Variants in GMDS observed in about 807,000 individuals in gnomAD.
GMDS encodes GDP-mannose 4,6 dehydratase.
A neutral mutation model predicts 49.9 loss-of-function variants in GMDS; 20 were observed. That is an observed-to-expected ratio of 0.40 (90% confidence interval 0.28 to 0.58). GMDS has a LOEUF of 0.58. GMDS is among the 20% of genes least tolerant of loss of function. The pLI, the probability that GMDS is intolerant of heterozygous loss-of-function variation, is 0.42. For synonymous variants in GMDS, 177 were observed against 178.6 expected, an observed-to-expected ratio of 0.99 and a Z score of 0.07; for missense variants, 362 against 481.4, an observed-to-expected ratio of 0.75 and a Z score of 2.32.
At chr6:2,166,258 T>TA (rs1205422652) in intron 1 of GMDS, among the ~76,000 whole-genome samples, 3 of 152,214 alleles carry the variant, frequency 2.0e-5, no homozygotes, top group Non-Finnish European at 4.4e-5. Context: ...CAGTTTATCT[T>TA]ACTGAAACTC....
intron 7 of GMDS, among the ~76,000 whole-genome samples, chr6:1,924,289 G>A (rs1472160742): frequency 6.6e-6 from 1 of 152,202 alleles, no homozygotes; most frequent in Non-Finnish European, 1.5e-5. Context: ...GGTATATGAC[G>A]TTAAATTCTG....
intron 1 of GMDS, 89 bp downstream of exon 1, chr6:2,245,232 G>T: frequency 1.1e-6 from 1 of 921,910 alleles, no homozygotes; most frequent in Non-Finnish European, 1.7e-6. Context: ...GCTGTTCCTG[G>T]AGAGACCGCA....
intron 4 of GMDS, among the ~76,000 whole-genome samples, chr6:2,080,164 C>T (rs1772595744): frequency 6.6e-6 from 1 of 151,980 alleles, no homozygotes; most frequent in East Asian, 1.9e-4. Context: ...CTGTATGGTT[C>T]TTTTTTATGA....
intron 7 of GMDS, among the ~76,000 whole-genome samples, chr6:1,832,478 AT>A (rs967396497): frequency 2.0e-5 from 3 of 151,682 alleles, no homozygotes; most frequent in Admixed American, 6.6e-5. Context: ...GATGGCTTTT[AT>A]TTTTTTTATG....
chr6:2,105,322 G>A lies in GMDS; in HGVS notation c.345+10449C>T, dbSNP rs574892690. Among the ~76,000 whole-genome samples the A allele has an allele frequency of 2.6e-5, 4 of 151,866 alleles. No homozygotes were observed. The South Asian group carries it at 8.3e-4, about 32-fold the overall frequency. The stretch of plus-strand genomic sequence containing the variant: ...AAACAACCAATAACTCAAATATTGT[G>A]ACATAATAATCGACTAACTTCTGTC... On this transcript the variant is annotated intron_variant, in intron 4 of 10. Transcript: ENST00000380815.
At chr6:1,834,173 A>T (rs1029942535) in intron 7 of GMDS, among the ~76,000 whole-genome samples, 2 of 152,226 alleles carry the variant, frequency 1.3e-5, no homozygotes, top group Admixed American at 1.3e-4. Flanking sequence ...AATTTCATCA[A>T]TTATCAAGAA....
chr6:1,652,580 T>G, intron 9 of GMDS, among the ~76,000 whole-genome samples: 1 of 9,682 alleles, frequency 1.0e-4, no homozygotes, highest in Admixed American at 2.2e-3. Flanking sequence ...TAATATATAT[T>G]ATTTATATAT....
At chr6:2,007,040 A>G (rs536271387) in intron 4 of GMDS, among the ~76,000 whole-genome samples, 3 of 152,398 alleles carry the variant, frequency 2.0e-5, no homozygotes, top group Admixed American at 1.3e-4. Flanking sequence ...TTTCATATAC[A>G]GTACTCTTAT....
chr6:1,658,914 G>A (rs755393510), intron 9 of GMDS, among the ~76,000 whole-genome samples: 2 of 152,240 alleles, frequency 1.3e-5, no homozygotes, highest in Non-Finnish European at 2.9e-5. Context: ...GCTCTCACAA[G>A]GCTGTGAGGG....
chr6:1,931,272 T>C (rs1762272385), intron 6 of GMDS, among the ~76,000 whole-genome samples: 1 of 152,248 alleles, frequency 6.6e-6, no homozygotes, highest in Non-Finnish European at 1.5e-5. Flanking sequence ...ATCAAAGTGT[T>C]TGGCTTCTGG....
intron 7 of GMDS, among the ~76,000 whole-genome samples, chr6:1,895,139 G>A (rs910000669): frequency 5.3e-5 from 8 of 152,130 alleles, no homozygotes; most frequent in Admixed American, 2.6e-4. Flanking sequence ...AACTTTATCC[G>A]ATGGGCAACG....
chr6:1,963,442 T>C (rs1215976401), intron 4 of GMDS, among the ~76,000 whole-genome samples: 2 of 152,242 alleles, frequency 1.3e-5, no homozygotes, highest in Non-Finnish European at 2.9e-5. Context: ...TTCAATGTTA[T>C]ATCTAAGAAT....
At chr6:2,151,308 C>T (rs531172862) in intron 1 of GMDS, among the ~76,000 whole-genome samples, 43 of 152,060 alleles carry the variant, frequency 2.8e-4, no homozygotes, top group African/African-American at 1.0e-3. Context: ...TATGTACCCA[C>T]AAAAATTAAA....
At chr6:2,115,514 G>A (rs1774797616) in intron 4 of GMDS, among the ~76,000 whole-genome samples, 1 of 152,166 alleles carries the variant, frequency 6.6e-6, no homozygotes, top group Non-Finnish European at 1.5e-5. Context: ...CATGGCTACA[G>A]GGAACAACCC....
intron 8 of GMDS, among the ~76,000 whole-genome samples, chr6:1,740,518 C>T (rs4959604): frequency 1.3e-5 from 2 of 150,324 alleles, no homozygotes; most frequent in South Asian, 4.2e-4. Context: ...GATCGTGCCA[C>T]TGCACTCCAG....
chr6:1,959,810 A>C, intron 6 of GMDS, 57 bp downstream of exon 6: 1 of 1,012,448 alleles, frequency 9.9e-7, no homozygotes, highest in Middle Eastern at 2.1e-4. Flanking sequence ...ATAGACATGC[A>C]ACTTGTTGTT....
At chr6:2,052,116 C>CAAAAAAAAAAAAAA (rs1285013159) in intron 4 of GMDS, among the ~76,000 whole-genome samples, 48 of 43,506 alleles carry the variant, frequency 1.1e-3, no homozygotes, top group Non-Finnish European at 1.4e-3. Context: ...GACTCTGTCT[C>CAAAAAAAAAAAAAA]AAAAAAAAAA....
intron 4 of GMDS, among the ~76,000 whole-genome samples, chr6:1,999,972 A>T (rs868413883): frequency 1.6e-4 from 5 of 30,374 alleles, no homozygotes; most frequent in African/African-American, 7.8e-4. Context: ...TATATATATT[A>T]TATATATATT....
At chr6:2,141,826 G>A (rs920464869) in intron 1 of GMDS, among the ~76,000 whole-genome samples, 2 of 151,180 alleles carry the variant, frequency 1.3e-5, no homozygotes, top group East Asian at 2.0e-4. Flanking sequence ...GCGACCTAAC[G>A]ACACACTGGG....
Sources: allele counts gnomAD v4.1 joint callset (sites outside exome capture counted in the v4.1 genomes callset), GRCh38; gene constraint gnomAD v4.1.1; transcripts MANE v1.5; gene names NCBI Gene and HGNC (gene_info 2026-07-23, HGNC 2026-07-21).